Variants in ANO8 observed in about 807,000 individuals in gnomAD.
The protein encoded by ANO8 is anoctamin 8, also known as anoctamin-8.
A neutral mutation model predicts 120.4 loss-of-function variants in ANO8; 67 were observed. That is an observed-to-expected ratio of 0.56 (90% CI 0.46 to 0.68). ANO8 has a LOEUF of 0.68. Among genes scored for constraint, ANO8 ranks in the 30% least tolerant of loss-of-function variants. The probability of loss-of-function intolerance (pLI) is 0.00; values close to 1 mark genes in which losing one functional copy is unlikely to be tolerated. For missense variants in ANO8, 1,526 were observed against 1,737.6 expected (o/e 0.88, Z 2.16); for synonymous variants, 727 against 759.2 (o/e 0.96, Z 0.70).
rs2145687174 is a variant in ANO8 at position 17,328,691 on chromosome 19, C to G, written c.1697G>C (p.Arg566Pro). 1 of 1,389,944 alleles carries G rather than the reference C, an allele frequency of 7.2e-7. No individual in the cohort carries two copies. The highest frequency in any genetic ancestry group is 9.4e-7 in the Non-Finnish European group (1 of 1,062,076). The allele number at this position is 1,389,944 out of a possible 1,614,324, so 86.1% of individuals were successfully genotyped here. Residue 566 changes from arginine (R) to proline (P), a missense_variant, in exon 13 of 18, where the codon CGG becomes CCG. Coordinates refer to ENST00000159087, the MANE Select transcript of ANO8 (RefSeq NM_020959.3). ...EEEAALVERR[R>P]AGEGGEEGDG... Reference sequence around the variant, plus strand: ...CCCCTCCTCCCCGCCTTCCCCCGCCCGCCGCCGCTCCACCAGCGCCGCCTC... The same window carrying G: ...CCCCTCCTCCCCGCCTTCCCCCGCCGGCCGCCGCTCCACCAGCGCCGCCTC...
Position 17,333,725 on chromosome 19 carries a change from G to A in ANO8, c.182C>T (p.Pro61Leu), listed in dbSNP as rs760229508. Residue 61 changes from proline to leucine, a missense_variant, in exon 2 of 18, where the codon CCT becomes CTT. Coordinates refer to ENST00000159087, the MANE Select transcript of ANO8 (RefSeq NM_020959.3). The surrounding 1 kb of genome is among the most constrained non-coding windows in gnomAD (Gnocchi z 7.2). ...VSHKAWMKTV[P>L]TENCDVLMTF... ...CATCAGCACGTCGCAGTTCTCTGTA[G>A]GCACCGTCTTCATCCACGCCTTGTG... 1 of 1,608,642 alleles carries A rather than the reference G, an allele frequency of 6.2e-7. No individual in the cohort carries two copies. The highest frequency in any genetic ancestry group is 8.5e-7 in the Non-Finnish European group (1 of 1,178,544).
Position 17,329,515 on chromosome 19 carries a change from C to T in ANO8, c.1404+242G>A, listed in dbSNP as rs546735316. 4.3e-5 allele frequency: 24 copies of T among 563,958 alleles called. No homozygotes were observed. The East Asian group carries it at 7.1e-4, about 17-fold the overall frequency. The allele number at this position is 563,958 out of a possible 1,614,324, so 34.9% of individuals were successfully genotyped here. A position where few individuals can be genotyped will look rare whatever the true frequency, so the allele number is the denominator to read the frequency against. On this transcript the variant is annotated intron_variant, in intron 12 of 17. Transcript: ENST00000159087. ...CCGCCTGCAGCTGCCGCTCGAGGCT[C>T]TGGGACAGGGACAGGACGAGCAGGA...
At position 17,330,030 on chromosome 19, in the gene ANO8, G is replaced by A. The variant is rs1295913055; in HGVS notation, c.1274-16C>T. ...CGGTAATTTTCTAGGGGCCAAGGGG[G>A]GGAGTGAGGGGGCAGCCGCGGTCCC... On this transcript the variant is annotated splice_polypyrimidine_tract_variant and intron_variant, in intron 10 of 17. Coordinates refer to ENST00000159087, the MANE Select transcript of ANO8 (RefSeq NM_020959.3). 6 of 1,613,898 alleles carry A rather than the reference G, an allele frequency of 3.7e-6. No homozygotes were observed. Among genetic ancestry groups the A allele is most frequent in the African/African-American group, 1.3e-5 (1 of 74,890 alleles).
chr19:17,330,557 C>T, intron 8 of ANO8, 53 bp from the exon 9 acceptor site: 1 of 1,462,118 alleles, frequency 6.8e-7, no homozygotes, highest in East Asian at 2.5e-5. Context: ...GCCACCTCTG[C>T]CTTCTGCACC....
chr19:17,324,773 A>G lies in ANO8; in HGVS notation c.3275T>C (p.Val1092Ala). 10 of 1,557,152 alleles carry G rather than the reference A, an allele frequency of 6.4e-6. No homozygotes were observed. The highest frequency in any genetic ancestry group is 7.8e-6 in the Non-Finnish European group (9 of 1,152,616). Residue 1092 changes from valine to alanine, a missense_variant, in exon 17 of 18, where the codon GTG becomes GCG. Coordinates refer to ENST00000159087, the MANE Select transcript of ANO8 (RefSeq NM_020959.3). ...GSSRVQRSGPVDEALAEELEA... is the reference protein window; with the variant it reads ...GSSRVQRSGPADEALAEELEA... ...CAGCTCCTCAGCCAGGGCCTCGTCC[A>G]CCGGCCCACTCCTCTGAACCCGGCT...
chr19:17,332,773 T>C (rs1158338369), intron 5 of ANO8, among the ~76,000 whole-genome samples, 157 bp downstream of exon 5: 1 of 152,140 alleles, frequency 6.6e-6, no homozygotes, highest in East Asian at 1.9e-4. Context: ...TCCACCCTTT[T>C]GCTAAGGCCA....
Position 17,325,313 on chromosome 19 carries a change from C to T in ANO8, c.2735G>A (p.Arg912His), listed in dbSNP as rs753044361. The T allele has an allele frequency of 1.1e-5, 18 of 1,604,922 alleles. No homozygotes were observed. The highest frequency in any genetic ancestry group is 1.4e-5 in the Non-Finnish European group (16 of 1,179,734). The change falls in exon 17 of 18, where the codon CGC (arginine) becomes CAC (histidine). Residue 912 changes from arginine to histidine, a missense_variant. By Grantham distance (29) the Arg-to-His change is conservative. Transcript: ENST00000159087. ...RRRREEEERQ[R>H]HAEHHARREH... ...CCGCCGGGCATGGTGCTCTGCATGGCGCTGTCGCTCCTCCTCCTCCCGCCG... is the reference window on the plus strand; with the variant it reads ...CCGCCGGGCATGGTGCTCTGCATGGTGCTGTCGCTCCTCCTCCTCCCGCCG...
In ANO8 at chr19:17,328,755, A is replaced by C. The variant is rs2074294856; in HGVS notation, c.1633T>G (p.Cys545Gly). 4.6e-6 allele frequency: 6 copies of C among 1,312,176 alleles called. No individual in the cohort carries two copies. Among genetic ancestry groups the C allele is most frequent in the Non-Finnish European group, 4.8e-6 (5 of 1,036,732 alleles). The allele number at this position is 1,312,176 out of a possible 1,614,324, so 81.3% of individuals were successfully genotyped here. ...GGCGCCCCGCAGCCCCCGCTGAGGC[A>C]CCTGCGGCCCCCGCCCCCGCTGCCG... is the stretch of plus-strand genomic sequence containing the variant. ...GGGSGGGGRR[C>G]LSGGCGAPEE... is the part of the protein sequence containing the mutation. Residue 545 changes from cysteine to glycine, a missense_variant, in exon 13 of 18, where the codon TGC (cysteine) becomes GGC (glycine). By Grantham distance (159) the Cys-to-Gly change is radical. Transcript: ENST00000159087.
At chr19:17,330,730 C>T in intron 8 of ANO8, 98 bp downstream of exon 8, 11 of 1,496,360 alleles carry the variant, frequency 7.4e-6, no homozygotes, top group South Asian at 1.3e-5. Flanking sequence ...TTTGATGAAA[C>T]AATCCTGTTT....
In ANO8 at chr19:17,333,277, C is replaced by T; in HGVS notation, c.351-38G>A. 2 of 1,602,052 alleles carry T rather than the reference C, an allele frequency of 1.2e-6. No individual in the cohort carries two copies. The highest frequency in any genetic ancestry group is 2.2e-5 in the South Asian group (2 of 90,452). On this transcript the variant is annotated intron_variant, in intron 3 of 17. Transcript: ENST00000159087. The surrounding 1 kb of genome is among the most constrained non-coding windows in gnomAD (Gnocchi z 7.2). ...CGGAGGAGGTGGGCTCACAGGGAGG[C>T]CCCGGCCCACCATCCTGGAGCTGAG...
At chr19:17,324,657 CACCCT>C in intron 17 of ANO8, 55 bp downstream of exon 17, 1 of 1,508,580 alleles carries the variant, frequency 6.6e-7, no homozygotes, top group Non-Finnish European at 8.8e-7. Flanking sequence ...CAGGCCTGGC[CACCCT>C]ACCCTATCCC....
intron 13 of ANO8, 50 bp downstream of exon 13, chr19:17,328,112 C>T (rs749819667): frequency 1.4e-6 from 2 of 1,473,638 alleles, no homozygotes; most frequent in Admixed American, 2.5e-5. Context: ...GACGGTGTGT[C>T]CCGTCCCCGG....
Position 17,325,125 on chromosome 19 carries a change from C to T in ANO8, c.2923G>A (p.Val975Ile), listed in dbSNP as rs936769521. 8.1e-6 allele frequency: 13 copies of T among 1,613,724 alleles called. No homozygotes were observed. The highest frequency in any genetic ancestry group is 2.2e-5 in the East Asian group (1 of 44,880). The change falls in exon 17 of 18, where the codon GTC becomes ATC. Residue 975 changes from valine (V) to isoleucine (I), a missense_variant. By Grantham distance (29) the Val-to-Ile change is conservative. Around this residue, in one of 8 missense-constraint regions of ANO8, gnomAD observed 489 missense variants for 548.6 expected, o/e 0.89. Transcript: ENST00000159087. The stretch of plus-strand genomic sequence containing the variant: ...GGGATGATCTGCTTCAACTTCATGA[C>T]GTTGTTGGGTGCCAGCAGGGACCCT... Reference protein sequence around the residue: ...RPGSLLAPNNVMKLKQIIPLQ... With the variant: ...RPGSLLAPNNIMKLKQIIPLQ...
chr19:17,325,559 A>C (rs2074269055), intron 16 of ANO8, among the ~76,000 whole-genome samples, 173 bp from the exon 17 acceptor site: 1 of 152,218 alleles, frequency 6.6e-6, no homozygotes, highest in African/African-American at 2.4e-5. Flanking sequence ...AGTGGGAGAG[A>C]GCCAATCACT....
chr19:17,329,854 G>A, intron 11 of ANO8, 23 bp from the exon 12 acceptor site: 2 of 1,613,454 alleles, frequency 1.2e-6, no homozygotes, highest in Non-Finnish European at 1.7e-6. Flanking sequence ...GGCAGGCGGT[G>A]GTCATCCTGC....
In ANO8 at chr19:17,333,291, C is replaced by T; in HGVS notation, c.351-52G>A. The T allele has an allele frequency of 6.2e-7, 1 of 1,602,370 alleles. No individual in the cohort carries two copies. Among genetic ancestry groups the T allele is most frequent in the Non-Finnish European group, 8.5e-7 (1 of 1,172,598 alleles). ...TCACAGGGAGGCCCCGGCCCACCAT[C>T]CTGGAGCTGAGGATGGTGCACCTGG... On this transcript the variant is annotated intron_variant, in intron 3 of 17. Coordinates refer to ENST00000159087, the MANE Select transcript of ANO8 (RefSeq NM_020959.3). This position sits in a 1 kb window ranked among gnomAD's most constrained non-coding sequence, Gnocchi z 7.2.
Position 17,323,892 on chromosome 19 carries a change from GGCGAGAGGGGCCGTTCCGGGGGGAT to G in ANO8, c.3332-33_3332-9del. On this transcript the variant is annotated splice_polypyrimidine_tract_variant and intron_variant, in intron 17 of 17. Coordinates refer to ENST00000159087, the MANE Select transcript of ANO8 (RefSeq NM_020959.3). ...CGGGGGCCAGCGCTGTCCCTGCGGA[GGCGAGAGGGGCCGTTCCGGGGGGAT>G]GCCGCCCCCGCCGGACCCCGCCGGG... The G allele has an allele frequency of 8.9e-7, 1 of 1,117,468 alleles. No homozygotes were observed. The highest frequency in any genetic ancestry group is 1.1e-6 in the Non-Finnish European group (1 of 914,528). 69.2% of individuals were successfully genotyped at this position (1,117,468 alleles called of 1,614,324 possible).
rs555533386 is a variant in ANO8, at chr19:17,323,401, G to A, written c.*116C>T. 50 of 1,063,614 alleles carry A rather than the reference G, an allele frequency of 4.7e-5. 1 individual carries two copies. The highest frequency in any genetic ancestry group is 4.2e-4 in the African/African-American group (26 of 61,320). The allele number at this position is 1,063,614 out of a possible 1,614,324, so 65.9% of individuals were successfully genotyped here. A position where few individuals can be genotyped will look rare whatever the true frequency, so the allele number is the denominator to read the frequency against. ...TGGAAAGGAAAACGGCAGATGGGGG[G>A]CACCGACCAATACTGGGGGCCCTCG... is the stretch of plus-strand genomic sequence containing the variant. On this transcript the variant is annotated 3_prime_UTR_variant, in exon 18 of 18. Transcript: ENST00000159087.
At position 17,324,810 on chromosome 19, in the gene ANO8, T is replaced by C. The variant is rs765706129; in HGVS notation, c.3238A>G (p.Ser1080Gly). The C allele has an allele frequency of 6.2e-7, 1 of 1,603,158 alleles. No homozygotes were observed. Among genetic ancestry groups the C allele is most frequent in the South Asian group, 1.1e-5 (1 of 90,348 alleles). The stretch of plus-strand genomic sequence containing the variant: ...CTCTGAACCCGGCTGCTGCCACTGC[T>C]GGGGGTCCCATCTGGCCGGGCCTGC... ...GGQARPDGTP[S>G]SGSSRVQRSG... The change falls in exon 17 of 18, where the codon AGC becomes GGC. Residue 1080 changes from serine (S) to glycine (G), a missense_variant. Physicochemically the swap from Ser to Gly is moderately conservative, Grantham distance 56. Coordinates refer to ENST00000159087, the MANE Select transcript of ANO8 (RefSeq NM_020959.3).
Sources: gnomAD v4.1 joint callset for allele counts (sites outside exome capture counted in the v4.1 genomes callset) on GRCh38, gnomAD v4.1.1 for gene constraint, gnomAD v4.1.1 regional missense constraint, Gnocchi (gnomAD v3.1) non-coding constraint, MANE v1.5 for transcripts, NCBI Gene and HGNC (gene_info 2026-07-23, HGNC 2026-07-21) for gene names.